The following ETFA variants were observed in gnomAD, a reference collection of about 807,000 sequenced individuals.
ETFA encodes electron transfer flavoprotein subunit alpha, also known as electron transfer flavoprotein subunit alpha, mitochondrial.
A neutral mutation model predicts 46.2 loss-of-function variants in ETFA; 22 were observed. The ratio of observed to expected loss-of-function variants is 0.48; its 90% CI spans 0.34 to 0.68. The LOEUF is 0.68. Among genes scored for constraint, ETFA ranks in the 30% least tolerant of loss-of-function variants. The pLI is 0.01. For synonymous variants in ETFA, 131 were observed against 139.9 expected, an observed-to-expected ratio of 0.94 and a Z score of 0.45; for missense variants, 345 against 401.1, an observed-to-expected ratio of 0.86 and a Z score of 1.19.
intron 9 of ETFA, among the ~76,000 whole-genome samples, chr15:76,248,500 C>A (rs2141479978): frequency 6.6e-6 from 1 of 151,822 alleles, no homozygotes; most frequent in African/African-American, 2.4e-5. Context: ...TTAAATAAGA[C>A]ACAAAAAATA....
At chr15:76,231,475 T>C in intron 9 of ETFA, 77 bp from the exon 10 acceptor site, 2 of 925,154 alleles carry the variant, frequency 2.2e-6, no homozygotes, top group Non-Finnish European at 3.3e-6. Flanking sequence ...TGTTAGCAAT[T>C]TAAGTCTTAG....
intron 9 of ETFA, among the ~76,000 whole-genome samples, chr15:76,272,038 G>C (rs908531295): frequency 1.3e-5 from 2 of 151,528 alleles, no homozygotes; most frequent in Non-Finnish European, 2.9e-5. Flanking sequence ...AAATTTCGAT[G>C]GTTCTATATC....
intron 9 of ETFA, chr15:76,259,771 A>G: frequency 1.2e-6 from 2 of 1,601,226 alleles, no homozygotes; most frequent in Non-Finnish European, 1.7e-6. Flanking sequence ...TGAAGTTCCG[A>G]GAGCTCAGGT....
chr15:76,258,349 G>A (rs1465686262), intron 9 of ETFA, among the ~76,000 whole-genome samples: 1 of 152,012 alleles, frequency 6.6e-6, no homozygotes, highest in Non-Finnish European at 1.5e-5. Flanking sequence ...CTTATAGCCT[G>A]GGTGCTCCAG....
At chr15:76,309,159 G>A (rs1211407374) in intron 1 of ETFA, among the ~76,000 whole-genome samples, 1 of 152,138 alleles carries the variant, frequency 6.6e-6, no homozygotes, top group Non-Finnish European at 1.5e-5. Flanking sequence ...CTTTAAAACA[G>A]CTATTCTAGG....
chr15:76,259,973 G>A (rs779700929), intron 9 of ETFA: 6 of 1,436,908 alleles, frequency 4.2e-6, no homozygotes, highest in Non-Finnish European at 4.9e-6. Flanking sequence ...TTGGCCACAT[G>A]TGGATGGTCA....
intron 8 of ETFA, among the ~76,000 whole-genome samples, chr15:76,276,169 CT>C (rs2039589548): frequency 6.6e-6 from 1 of 152,082 alleles, no homozygotes; most frequent in Admixed American, 6.6e-5. Context: ...CAATTTTTGT[CT>C]GAGAAAGTCT....
intron 1 of ETFA, among the ~76,000 whole-genome samples, chr15:76,309,329 T>C (rs1310113949): frequency 3.3e-5 from 5 of 152,232 alleles, no homozygotes; most frequent in South Asian, 4.1e-4. Flanking sequence ...CGGGTACCTG[T>C]AGTCCCAGCT....
At chr15:76,282,268 GAC>G (rs2039663159) in intron 8 of ETFA, among the ~76,000 whole-genome samples, 1 of 152,138 alleles carries the variant, frequency 6.6e-6, no homozygotes. Flanking sequence ...ATGATATGAA[GAC>G]AGAGGCAGAG....
intron 9 of ETFA, among the ~76,000 whole-genome samples, chr15:76,273,653 T>C (rs1373271634): frequency 6.6e-6 from 1 of 151,982 alleles, no homozygotes; most frequent in Non-Finnish European, 1.5e-5. Context: ...TGTGAATGAA[T>C]ATCTCATAGA....
At chr15:76,270,958 C>T (rs891838920) in intron 9 of ETFA, among the ~76,000 whole-genome samples, 2 of 152,048 alleles carry the variant, frequency 1.3e-5, no homozygotes, top group African/African-American at 2.4e-5. Flanking sequence ...TCACTTGAGG[C>T]CAGGGGTTCC....
intron 7 of ETFA, chr15:76,285,036 T>G: frequency 3.9e-6 from 1 of 256,060 alleles, no homozygotes. Flanking sequence ...AAAGCTTATT[T>G]TGTTGGATGT....
At chr15:76,286,544 G>C (rs2039706605) in intron 5 of ETFA, 63 bp from the exon 6 acceptor site, 1 of 976,866 alleles carries the variant, frequency 1.0e-6, no homozygotes, top group Non-Finnish European at 1.6e-6. Context: ...GCACTCCTTT[G>C]ATGCTTGGAA....
At chr15:76,266,337 T>G (rs941339104) in intron 9 of ETFA, among the ~76,000 whole-genome samples, 5 of 152,238 alleles carry the variant, frequency 3.3e-5, no homozygotes, top group Admixed American at 2.6e-4. Context: ...TGGAAAGTAC[T>G]GCCACAAGGC....
At chr15:76,236,832 T>C (rs1048852936) in intron 9 of ETFA, among the ~76,000 whole-genome samples, 2 of 152,230 alleles carry the variant, frequency 1.3e-5, no homozygotes, top group African/African-American at 2.4e-5. Flanking sequence ...AGCAACTCTC[T>C]ATCAAATTTT....
intron 1 of ETFA, among the ~76,000 whole-genome samples, chr15:76,299,082 G>A (rs866557063): frequency 2.0e-5 from 3 of 152,068 alleles, no homozygotes; most frequent in Non-Finnish European, 2.9e-5. Flanking sequence ...TACTTAACGA[G>A]GTAATTGCCT....
rs952396422 is a variant in ETFA, at chr15:76,222,215, A to T, written c.963+3634T>A. 6.7e-5 allele frequency among the ~76,000 whole-genome samples: 10 copies of T among 148,906 alleles called. No individual in the cohort carries two copies. In the East Asian group the frequency reaches 7.8e-4, roughly 12 times the overall value. ...TTAATGTTATATAAATATATTTTTT[A>T]AAATTATAATTTTAAAATATAATTA... On this transcript the variant is annotated intron_variant, in intron 11 of 11. Coordinates refer to ENST00000557943, the MANE Select transcript of ETFA (RefSeq NM_000126.4).
chr15:76,235,475 AG>A (rs1459909327), intron 9 of ETFA, among the ~76,000 whole-genome samples: 2 of 152,218 alleles, frequency 1.3e-5, no homozygotes, highest in African/African-American at 2.4e-5. Flanking sequence ...GTGGACTTGA[AG>A]TACTGGGTGG....
intron 9 of ETFA, among the ~76,000 whole-genome samples, chr15:76,253,893 T>C (rs566339286): frequency 2.2e-4 from 34 of 152,374 alleles, no homozygotes; most frequent in African/African-American, 8.2e-4. Flanking sequence ...CTCAGGACTC[T>C]TGGCTTATGG....
Sources: gnomAD v4.1 joint callset for allele counts (sites outside exome capture counted in the v4.1 genomes callset) on GRCh38, gnomAD v4.1.1 for gene constraint, MANE v1.5 for transcripts, NCBI Gene and HGNC (gene_info 2026-07-23, HGNC 2026-07-21) for gene names.